Variants in FARS2 observed in about 807,000 individuals in gnomAD.
FARS2 encodes the protein phenylalanine--tRNA ligase, mitochondrial.
In FARS2, 40 loss-of-function variants were observed where a neutral mutation model predicts 46.4. That is an observed-to-expected ratio of 0.86 (90% confidence interval 0.67 to 1.12). FARS2 has a LOEUF of 1.12. FARS2 is among the 50% of genes most tolerant of loss of function. The probability of loss-of-function intolerance (pLI) is 0.00; values close to 1 mark genes in which losing one functional copy is unlikely to be tolerated. For missense variants in FARS2, 513 were observed against 567.9 expected, an observed-to-expected ratio of 0.90 and a Z score of 0.98; for synonymous variants, 234 against 214.9, an observed-to-expected ratio of 1.09 and a Z score of -0.78.
At chr6:5,290,520 A>G (rs770764493) in intron 1 of FARS2, among the ~76,000 whole-genome samples, 48 of 152,360 alleles carry the variant, frequency 3.2e-4, no homozygotes, top group South Asian at 6.2e-4. Flanking sequence ...ATTAAATAAT[A>G]TAGGAATTTT....
chr6:5,611,716 A>G (rs1312767924), intron 5 of FARS2, among the ~76,000 whole-genome samples: 4 of 152,156 alleles, frequency 2.6e-5, no homozygotes, highest in African/African-American at 4.8e-5. Context: ...GTATATTTTA[A>G]TAATGTCTTG....
At chr6:5,341,235 A>ATATATATAT (rs1561970178) in intron 1 of FARS2, among the ~76,000 whole-genome samples, 2 of 10,274 alleles carry the variant, frequency 1.9e-4, no homozygotes, top group African/African-American at 2.6e-4. Flanking sequence ...ATATATATAT[A>ATATATATAT]TTTTTTTTTT....
rs367913306 is a variant in FARS2 at position 5,693,175 on chromosome 6, G to T, written c.1218-78116G>T. Reference sequence around the variant, plus strand: ...TGACATTCATCTTTAATGATCTCAGGATAAATGGTTTTAAGGTTAAACAGC... The same window carrying T: ...TGACATTCATCTTTAATGATCTCAGTATAAATGGTTTTAAGGTTAAACAGC... On this transcript the variant is annotated intron_variant, in intron 6 of 6. Transcript: ENST00000274680. 5.0e-4 allele frequency among the ~76,000 whole-genome samples: 76 copies of T among 152,238 alleles called. No homozygotes were observed. In the South Asian group the frequency reaches 0.015, roughly 29 times the overall value.
intron 5 of FARS2, among the ~76,000 whole-genome samples, chr6:5,600,678 C>A (rs190803531): frequency 8.7e-4 from 132 of 152,172 alleles, no homozygotes; most frequent in African/African-American, 3.1e-3. Flanking sequence ...GATAAGAACA[C>A]GATCGCATGG....
chr6:5,435,524 T>C (rs1207280541), intron 4 of FARS2, among the ~76,000 whole-genome samples: 1 of 152,246 alleles, frequency 6.6e-6, no homozygotes, highest in Non-Finnish European at 1.5e-5. Context: ...TCACCGTTGA[T>C]TTCTGGATCC....
chr6:5,374,929 G>A (rs1186984614), intron 2 of FARS2, among the ~76,000 whole-genome samples: 1 of 151,908 alleles, frequency 6.6e-6, no homozygotes, highest in Admixed American at 6.6e-5. Flanking sequence ...GAAATAGAGG[G>A]AAACTTCCTT....
At chr6:5,282,974 C>T (rs1229058617) in intron 1 of FARS2, among the ~76,000 whole-genome samples, 2 of 152,152 alleles carry the variant, frequency 1.3e-5, no homozygotes, top group East Asian at 3.9e-4. Flanking sequence ...CGGTGGCTTA[C>T]ACCTGTAATC....
chr6:5,599,250 C>G (rs759703118), intron 5 of FARS2, among the ~76,000 whole-genome samples: 1 of 152,096 alleles, frequency 6.6e-6, no homozygotes, highest in Non-Finnish European at 1.5e-5. Flanking sequence ...ATCTGTCTCA[C>G]AGTAAGCATG....
At chr6:5,269,250 A>T (rs1259779325) in intron 1 of FARS2, among the ~76,000 whole-genome samples, 1 of 151,238 alleles carries the variant, frequency 6.6e-6, no homozygotes, top group Non-Finnish European at 1.5e-5. Context: ...AGAAAACCAA[A>T]CACCGCATGT....
intron 4 of FARS2, 106 bp from the exon 5 acceptor site, chr6:5,545,074 C>T (rs571249861): frequency 2.3e-5 from 25 of 1,091,230 alleles, no homozygotes; most frequent in Non-Finnish European, 3.0e-5. Flanking sequence ...TGCCTTTGCC[C>T]GCTGGTAGGC....
At chr6:5,568,334 CA>C (rs1364773908) in intron 5 of FARS2, among the ~76,000 whole-genome samples, 1 of 152,142 alleles carries the variant, frequency 6.6e-6, no homozygotes, top group Non-Finnish European at 1.5e-5. Context: ...ATGTGACATT[CA>C]ACAGGATTTA....
rs1188332126 is a variant in FARS2, at chr6:5,316,185, T to C, written c.-21-52365T>C. ...TGTACTGGGAAAGATTCACTTAGGG[T>C]GACTGGCACTGTAGGAAGGATTAGC... is the stretch of plus-strand genomic sequence containing the variant. On this transcript the variant is annotated intron_variant, in intron 1 of 6. Transcript: ENST00000274680. 4.6e-5 allele frequency among the ~76,000 whole-genome samples: 7 copies of C among 152,228 alleles called. 1 individual carries two copies. The South Asian group carries it at 6.2e-4, about 13-fold the overall frequency.
At chr6:5,487,713 G>A (rs970250775) in intron 4 of FARS2, among the ~76,000 whole-genome samples, 3 of 152,284 alleles carry the variant, frequency 2.0e-5, no homozygotes, top group East Asian at 1.9e-4. Context: ...ATGTAGGTAC[G>A]TGGCTTTAAT....
intron 4 of FARS2, among the ~76,000 whole-genome samples, chr6:5,526,341 TTATC>T (rs1257201257): frequency 2.6e-5 from 4 of 152,248 alleles, no homozygotes; most frequent in South Asian, 2.1e-4. Context: ...AATGACTCCT[TTATC>T]TACTGCTTAA....
intron 2 of FARS2, among the ~76,000 whole-genome samples, chr6:5,382,823 A>G (rs11243008): frequency 0.43 from 65,304 of 152,010 alleles, 14,367 homozygotes; most frequent in South Asian, 0.56. Flanking sequence ...ATAGTTTGTC[A>G]CAATCTGAAG....
intron 5 of FARS2, among the ~76,000 whole-genome samples, chr6:5,551,977 A>G: frequency 6.6e-6 from 1 of 152,196 alleles, no homozygotes; most frequent in Non-Finnish European, 1.5e-5. Context: ...AAAGATCTTA[A>G]TGTAGGATAA....
At chr6:5,629,073 C>T (rs931791883) in intron 6 of FARS2, among the ~76,000 whole-genome samples, 1 of 152,148 alleles carries the variant, frequency 6.6e-6, no homozygotes, top group Non-Finnish European at 1.5e-5. Context: ...AAAATCAGCA[C>T]CATGTCAGGT....
At chr6:5,717,385 G>GTGTGTGTGTCTA (rs776468933) in intron 6 of FARS2, among the ~76,000 whole-genome samples, 9 of 150,476 alleles carry the variant, frequency 6.0e-5, no homozygotes, top group Non-Finnish European at 1.2e-4. Flanking sequence ...GTGTGTGTGT[G>GTGTGTGTGTCTA]TGTGTCTATG....
At chr6:5,461,043 C>CTT (rs749504920) in intron 4 of FARS2, among the ~76,000 whole-genome samples, 1 of 141,428 alleles carries the variant, frequency 7.1e-6, no homozygotes, top group African/African-American at 2.6e-5. Context: ...ATTTTAAAGT[C>CTT]TTTTTTTTTT....
Sources: allele counts gnomAD v4.1 joint callset (sites outside exome capture counted in the v4.1 genomes callset), GRCh38; gene constraint gnomAD v4.1.1; transcripts MANE v1.5; gene names NCBI Gene and HGNC (gene_info 2026-07-23, HGNC 2026-07-21).